TTC23L: variants seen among roughly 807,000 people sequenced by gnomAD.
TTC23L encodes tetratricopeptide repeat protein 23-like.
Under a neutral mutation model 48.1 loss-of-function variants are expected in TTC23L, and 42 were observed. The ratio of observed to expected loss-of-function variants is 0.87; its 90% confidence interval spans 0.68 to 1.13. TTC23L has a LOEUF of 1.13. TTC23L is among the 50% of genes most tolerant of loss of function. The probability of loss-of-function intolerance (pLI) is 0.00; values close to 1 mark genes in which losing one functional copy is unlikely to be tolerated. For missense variants in TTC23L, 391 were observed against 421.0 expected (o/e 0.93, Z 0.62); for synonymous variants, 159 against 157.2 (o/e 1.01, Z -0.09).
At chr5:34,847,785 A>C (rs1171899411) in intron 3 of TTC23L, among the ~76,000 whole-genome samples, 1 of 152,206 alleles carries the variant, frequency 6.6e-6, no homozygotes, top group Non-Finnish European at 1.5e-5. Flanking sequence ...TGGAAGCATC[A>C]GGGGAAGTTT....
chr5:34,916,199 A>G, the TTC23L span: 4 of 242,780 alleles, frequency 1.6e-5, no homozygotes, highest in Non-Finnish European at 3.2e-5. Context: ...TTTTTTTTTA[A>G]TGTTTTTGGA....
At chr5:34,880,724 C>A in intron 9 of TTC23L, 1 of 327,536 alleles carries the variant, frequency 3.1e-6, no homozygotes, top group Non-Finnish European at 5.8e-6. Context: ...CTGCAACCTC[C>A]GCCTCTTGGG....
the TTC23L span, chr5:34,918,662 G>T: frequency 2.1e-6 from 1 of 479,654 alleles, no homozygotes; most frequent in South Asian, 3.9e-5. Context: ...ATTTCATTAG[G>T]TAGATTCTTT....
chr5:34,877,216 A>G lies in TTC23L; in HGVS notation c.950-2965A>G, dbSNP rs561562185. ...CAGGCTAAAGAAGAAAAATCACATA[A>G]TCATATCAATAGATGCAGAAAGAGC... On this transcript the variant is annotated intron_variant, in intron 8 of 10. Coordinates refer to ENST00000505624, the Ensembl canonical transcript of TTC23L. 2.0e-5 allele frequency among the ~76,000 whole-genome samples: 3 copies of G among 152,352 alleles called. No homozygotes were observed. In the East Asian group the frequency reaches 5.8e-4, roughly 29 times the overall value.
chr5:34,915,866 A>G, the TTC23L span: 1 of 1,562,730 alleles, frequency 6.4e-7, no homozygotes, highest in Non-Finnish European at 8.7e-7. Flanking sequence ...GAGGAAGAAG[A>G]GAGGGACCGG....
chr5:34,845,352 C>G, intron 2 of TTC23L, 135 bp from the exon 3 acceptor site: 1 of 926,710 alleles, frequency 1.1e-6, no homozygotes, highest in Non-Finnish European at 1.6e-6. Context: ...AGTTTACTGC[C>G]TAGCTTTATT....
At chr5:34,881,706 C>G (rs1194195209) in intron 9 of TTC23L, among the ~76,000 whole-genome samples, 1 of 150,870 alleles carries the variant, frequency 6.6e-6, no homozygotes, top group African/African-American at 2.4e-5. Context: ...AGACAAAAAC[C>G]TTATAATGAT....
At chr5:34,884,523 T>TACACACACACACACAC (rs572660867) in intron 9 of TTC23L, among the ~76,000 whole-genome samples, 6 of 148,646 alleles carry the variant, frequency 4.0e-5, no homozygotes, top group African/African-American at 1.5e-4. Flanking sequence ...AATGATCACA[T>TACACACACACACACAC]ACACACACAC....
intron 3 of TTC23L, among the ~76,000 whole-genome samples, chr5:34,847,537 A>G (rs917570485): frequency 1.3e-5 from 2 of 150,564 alleles, no homozygotes; most frequent in Admixed American, 1.3e-4. Context: ...CCTGAAGGGC[A>G]GGGGATGCCA....
At chr5:34,866,365 G>T (rs1035030023) in intron 6 of TTC23L, among the ~76,000 whole-genome samples, 1 of 152,092 alleles carries the variant, frequency 6.6e-6, no homozygotes, top group African/African-American at 2.4e-5. Context: ...TGTCTAAAAA[G>T]AAAACATGAC....
chr5:34,899,393 T>A (rs1763422029), exon 11 of TTC23L: 1 of 152,662 alleles, frequency 6.6e-6, no homozygotes, highest in African/African-American at 2.4e-5. Flanking sequence ...CCTCTAGGTC[T>A]TCTGTTATCA....
chr5:34,914,632 C>T, the TTC23L span: 53 of 1,524,686 alleles, frequency 3.5e-5, no homozygotes, highest in Non-Finnish European at 4.7e-5. Flanking sequence ...TGAAACCTTC[C>T]GATTTCATTA....
Position 34,862,890 on chromosome 5 carries a change from TC to T in TTC23L, c.380-3del, listed in dbSNP as rs1418273946. The stretch of plus-strand genomic sequence containing the variant: ...GTCTTCTTGCTCCTCACCCTCTAAC[TC>T]CCCCAGGCCTCCCAGTTCAGGCCAA... On this transcript the variant is annotated splice_region_variant and splice_polypyrimidine_tract_variant and intron_variant, in intron 4 of 10. Transcript: ENST00000505624. The T allele has an allele frequency of 3.1e-6, 5 of 1,613,064 alleles. No individual in the cohort carries two copies. Among genetic ancestry groups the T allele is most frequent in the Non-Finnish European group, 3.4e-6 (4 of 1,179,580 alleles).
chr5:34,919,296 A>T, the TTC23L span, among the ~76,000 whole-genome samples: 11 of 150,346 alleles, frequency 7.3e-5, no homozygotes, highest in African/African-American at 2.7e-4. Flanking sequence ...AAAAAAAAAA[A>T]AAAAGTTTGG....
chr5:34,910,480 T>C, the TTC23L span, among the ~76,000 whole-genome samples: 5 of 151,512 alleles, frequency 3.3e-5, no homozygotes, highest in Non-Finnish European at 7.4e-5. Context: ...CAGGCTGGAG[T>C]GCAGTGGCGC....
At chr5:34,915,770 G>A in the TTC23L span, 394 of 1,603,068 alleles carry the variant, frequency 2.5e-4, no homozygotes, top group Non-Finnish European at 3.1e-4. Context: ...CGGCGTGGAG[G>A]CTTTGCAGTT....
chr5:34,915,804 C>T, the TTC23L span: 2 of 1,587,326 alleles, frequency 1.3e-6, no homozygotes, highest in African/African-American at 1.3e-5. Context: ...CAAAAAGAAA[C>T]GAAATAGATG....
At chr5:34,866,816 T>A in intron 6 of TTC23L, 76 bp from the exon 7 acceptor site, 1 of 1,390,480 alleles carries the variant, frequency 7.2e-7, no homozygotes, top group Non-Finnish European at 9.6e-7. Context: ...TCTTTAATTC[T>A]TGGAATCAGT....
rs112754194 is a variant in TTC23L at position 34,852,279 on chromosome 5, T to C, written c.379+1971T>C. Among the ~76,000 whole-genome samples the C allele has an allele frequency of 6.0e-3, 908 of 152,252 alleles. 9 individuals are homozygous for C. Among genetic ancestry groups the C allele is most frequent in the African/African-American group, 0.021 (855 of 41,544 alleles). On this transcript the variant is annotated intron_variant, in intron 4 of 10. Transcript: ENST00000505624. Reference sequence around the variant, plus strand: ...TAGGAAGTGAGAGGAGGGCACTCTGTATAAAACTCGTTACACAGAATATTG... The same window carrying C: ...TAGGAAGTGAGAGGAGGGCACTCTGCATAAAACTCGTTACACAGAATATTG...
Sources: allele counts gnomAD v4.1 joint callset (sites outside exome capture counted in the v4.1 genomes callset), GRCh38; gene constraint gnomAD v4.1.1; transcripts MANE v1.5; gene names NCBI Gene and HGNC (gene_info 2026-07-23, HGNC 2026-07-21).